ADGRB3: variants seen among roughly 807,000 people sequenced by gnomAD.
The protein encoded by ADGRB3 is brain-specific angiogenesis inhibitor 3.
In ADGRB3, 37 loss-of-function variants were observed where a neutral mutation model predicts 193.4. The ratio of observed to expected loss-of-function variants is 0.19; its 90% CI spans 0.15 to 0.25. The LOEUF (loss-of-function observed/expected upper bound fraction) is 0.25, where lower values mean the gene tolerates loss of function less well. Among genes scored for constraint, ADGRB3 ranks in the 10% least tolerant of loss-of-function variants. The probability of loss-of-function intolerance (pLI) is 1.00; values close to 1 mark genes in which losing one functional copy is unlikely to be tolerated. For synonymous variants in ADGRB3, 690 were observed against 644.2 expected (o/e 1.07, Z -1.08); for missense variants, 1,637 against 1,852.9 (o/e 0.88, Z 2.14).
chr6:68,697,170 C>G (rs1297136380), intron 3 of ADGRB3, among the ~76,000 whole-genome samples: 1 of 151,996 alleles, frequency 6.6e-6, no homozygotes, highest in Non-Finnish European at 1.5e-5. Flanking sequence ...ACTGTTCTCT[C>G]TTGGAAGGGC....
chr6:69,338,799 T>C, intron 24 of ADGRB3, 117 bp from the exon 25 acceptor site: 1 of 825,544 alleles, frequency 1.2e-6, no homozygotes, highest in South Asian at 1.6e-5. Context: ...GCATACATTT[T>C]TGATAAATAT....
chr6:69,243,464 G>A (rs1241636453), intron 20 of ADGRB3, among the ~76,000 whole-genome samples: 1 of 151,758 alleles, frequency 6.6e-6, no homozygotes, highest in Non-Finnish European at 1.5e-5. Context: ...TCCAATGTCT[G>A]GACACAGAAT....
chr6:69,207,485 A>G (rs1247612880), intron 17 of ADGRB3, among the ~76,000 whole-genome samples: 1 of 152,192 alleles, frequency 6.6e-6, no homozygotes. Flanking sequence ...CTTAGAAGGA[A>G]TATCTCAACA....
intron 17 of ADGRB3, among the ~76,000 whole-genome samples, chr6:69,102,437 T>A (rs907919229): frequency 1.3e-5 from 2 of 152,226 alleles, no homozygotes; most frequent in African/African-American, 4.8e-5. Context: ...TTAATGTACA[T>A]CTAAAACTCC....
chr6:69,324,277 G>A (rs759007759), intron 20 of ADGRB3, among the ~76,000 whole-genome samples: 1 of 152,052 alleles, frequency 6.6e-6, no homozygotes, highest in South Asian at 2.1e-4. Flanking sequence ...TAGTATAGAA[G>A]CATTGTATTA....
At chr6:68,804,461 T>TA (rs930360817) in intron 3 of ADGRB3, among the ~76,000 whole-genome samples, 1 of 152,170 alleles carries the variant, frequency 6.6e-6, no homozygotes, top group African/African-American at 2.4e-5. Flanking sequence ...GTATTTTTTT[T>TA]AAAAATTCTC....
intron 3 of ADGRB3, among the ~76,000 whole-genome samples, chr6:68,884,320 A>G (rs1209150055): frequency 6.6e-6 from 1 of 152,206 alleles, no homozygotes. Flanking sequence ...GACAAACATT[A>G]CATAATTACA....
In ADGRB3 at chr6:69,096,363, GTTT is replaced by G. The variant is rs70987448; in HGVS notation, c.2480+20338_2480+20340del. On this transcript the variant is annotated intron_variant, in intron 17 of 31. Transcript: ENST00000370598. ...AGAAAGAGGGTTTTTATTGTTTTGG[GTTT>G]TTTTTTTTTTTTGCTTATCTTTATT... is the stretch of plus-strand genomic sequence containing the variant. Among the ~76,000 whole-genome samples, 347 of 132,618 alleles carry G rather than the reference GTTT, an allele frequency of 2.6e-3. 7 individuals carry two copies. In the East Asian group the frequency reaches 0.051, roughly 19 times the overall value. The allele number at this position is 132,618 out of a possible 152,430, so 87.0% of individuals were successfully genotyped here. A position where few individuals can be genotyped will look rare whatever the true frequency, so the allele number is the denominator to read the frequency against.
At chr6:68,775,656 A>C (rs898580574) in intron 3 of ADGRB3, among the ~76,000 whole-genome samples, 27 of 152,056 alleles carry the variant, frequency 1.8e-4, no homozygotes, top group African/African-American at 6.3e-4. Flanking sequence ...TGAGATTTCA[A>C]AACAACAGGT....
intron 11 of ADGRB3, among the ~76,000 whole-genome samples, chr6:69,011,233 T>G (rs1031636386): frequency 3.3e-5 from 5 of 151,612 alleles, no homozygotes; most frequent in African/African-American, 9.7e-5. Context: ...TGGTGCTAAA[T>G]CTTTTTAGGA....
intron 17 of ADGRB3, among the ~76,000 whole-genome samples, chr6:69,193,592 A>G (rs968330910): frequency 4.5e-4 from 69 of 152,242 alleles, no homozygotes; most frequent in African/African-American, 1.5e-3. Context: ...ACACCATATT[A>G]AATAACACAT....
intron 20 of ADGRB3, among the ~76,000 whole-genome samples, chr6:69,280,847 A>G (rs1301752679): frequency 2.0e-5 from 3 of 151,898 alleles, no homozygotes; most frequent in Non-Finnish European, 4.4e-5. Flanking sequence ...CTGTAACTAC[A>G]AAAAAATATA....
intron 3 of ADGRB3, among the ~76,000 whole-genome samples, chr6:68,748,498 T>C (rs1766128773): frequency 6.6e-6 from 1 of 152,198 alleles, no homozygotes; most frequent in African/African-American, 2.4e-5. Context: ...ACAATCTCCA[T>C]TGAGTCCAGG....
At chr6:69,380,835 T>C (rs1293245086) in intron 30 of ADGRB3, among the ~76,000 whole-genome samples, 1 of 151,910 alleles carries the variant, frequency 6.6e-6, no homozygotes, top group Non-Finnish European at 1.5e-5. Context: ...GCAACATCAT[T>C]ACCTGAGCAT....
intron 3 of ADGRB3, among the ~76,000 whole-genome samples, chr6:68,869,785 C>T (rs931023319): frequency 1.7e-4 from 25 of 150,834 alleles, no homozygotes; most frequent in Admixed American, 6.0e-4. Context: ...GGGCGGGTGG[C>T]GGGGAGACAG....
chr6:69,183,030 C>T (rs1764966711), intron 17 of ADGRB3, among the ~76,000 whole-genome samples: 1 of 152,100 alleles, frequency 6.6e-6, no homozygotes, highest in South Asian at 2.1e-4. Flanking sequence ...ACTACTGTCA[C>T]ATGGATGTTA....
chr6:69,360,967 C>A lies in ADGRB3; in HGVS notation c.3694C>A (p.Pro1232Thr), dbSNP rs370962794. The A allele has an allele frequency of 1.7e-5, 27 of 1,612,570 alleles. No individual in the cohort carries two copies. The East Asian group carries it at 1.8e-4, about 11-fold the overall frequency. The change falls in exon 29 of 32, where the codon CCT becomes ACT. Residue 1232 changes from proline (P) to threonine (T), a missense_variant. By Grantham distance (38) the Pro-to-Thr change is conservative. Coordinates refer to ENST00000370598, the MANE Select transcript of ADGRB3 (RefSeq NM_001704.3). ...TGATGAAGAAGAAAAGGGAACAAAC[C>A]CTGAAGGGCTAAGCTATTCAACATT... ...NDDEEEKGTN[P>T]EGLSYSTLPG... is the part of the protein sequence containing the mutation.
intron 3 of ADGRB3, among the ~76,000 whole-genome samples, chr6:68,791,295 A>G (rs775181085): frequency 1.6e-4 from 24 of 152,184 alleles, no homozygotes; most frequent in Non-Finnish European, 2.5e-4. Flanking sequence ...GTGATTCATG[A>G]CCATGCAAGT....
intron 10 of ADGRB3, among the ~76,000 whole-genome samples, chr6:68,988,596 C>A (rs566377065): frequency 6.6e-6 from 1 of 152,158 alleles, no homozygotes; most frequent in East Asian, 1.9e-4. Flanking sequence ...AAAAGAAAGA[C>A]CTAGGAATCC....
Sources: allele counts gnomAD v4.1 joint callset (sites outside exome capture counted in the v4.1 genomes callset), GRCh38; gene constraint gnomAD v4.1.1; transcripts MANE v1.5; gene names NCBI Gene and HGNC (gene_info 2026-07-23, HGNC 2026-07-21).